TRERF1: variants seen among roughly 807,000 people sequenced by gnomAD.
The protein encoded by TRERF1 is transcriptional regulating factor 1, also known as transcriptional-regulating factor 1.
In TRERF1, 27 loss-of-function variants were observed where a neutral mutation model predicts 122.9. The ratio of observed to expected loss-of-function variants is 0.22; its 90% CI spans 0.16 to 0.30. The LOEUF (loss-of-function observed/expected upper bound fraction) is 0.30. Ranked by LOEUF, TRERF1 falls within the 10% of genes least tolerant of loss-of-function variation. TRERF1 has a pLI of 1.00. For missense variants in TRERF1, 1,248 were observed against 1,560.3 expected (o/e 0.80, Z 3.37); for synonymous variants, 636 against 641.7 (o/e 0.99, Z 0.13).
chr6:42,288,329 G>A (rs983191361), intron 4 of TRERF1, among the ~76,000 whole-genome samples: 1 of 152,060 alleles, frequency 6.6e-6, no homozygotes, highest in Non-Finnish European at 1.5e-5. Context: ...AGCACTTTGG[G>A]AGGCCGAGGT....
At chr6:42,280,236 C>G (rs757785941) in intron 4 of TRERF1, among the ~76,000 whole-genome samples, 11 of 152,176 alleles carry the variant, frequency 7.2e-5, no homozygotes, top group Non-Finnish European at 2.9e-5. Flanking sequence ...TTGGGGAATT[C>G]TGGGAGTCAA....
chr6:42,361,316 C>T (rs1216546412), intron 3 of TRERF1, among the ~76,000 whole-genome samples: 1 of 152,222 alleles, frequency 6.6e-6, no homozygotes, highest in Non-Finnish European at 1.5e-5. Context: ...TGGTTATAAG[C>T]CTCCACATCT....
chr6:42,231,190 T>C (rs1013666547), intron 17 of TRERF1, among the ~76,000 whole-genome samples: 1 of 152,200 alleles, frequency 6.6e-6, no homozygotes, highest in Admixed American at 6.5e-5. Context: ...AGGCTGCAAG[T>C]TCAACCTCTT....
At chr6:42,378,421 C>T (rs568650309) in intron 2 of TRERF1, among the ~76,000 whole-genome samples, 3 of 151,574 alleles carry the variant, frequency 2.0e-5, no homozygotes, top group African/African-American at 7.3e-5. Flanking sequence ...CTAAAGTAAC[C>T]GGCACTGAGA....
At chr6:42,426,167 T>C (rs893770005) in intron 2 of TRERF1, among the ~76,000 whole-genome samples, 12 of 152,106 alleles carry the variant, frequency 7.9e-5, no homozygotes, top group African/African-American at 2.4e-4. Context: ...CCTTTCCAAC[T>C]CTGAAAGGCT....
intron 16 of TRERF1, among the ~76,000 whole-genome samples, chr6:42,234,324 T>TTTTG (rs1250591038): frequency 6.6e-6 from 1 of 151,456 alleles, no homozygotes; most frequent in Non-Finnish European, 1.5e-5. Flanking sequence ...TCTCTGTTTT[T>TTTTG]TTTGTTTGTT....
At chr6:42,359,966 TAAAAA>T (rs1179728312) in intron 3 of TRERF1, among the ~76,000 whole-genome samples, 2 of 151,728 alleles carry the variant, frequency 1.3e-5, no homozygotes, top group Non-Finnish European at 2.9e-5. Context: ...AAAACTTCGG[TAAAAA>T]AAGAATCCAT....
At chr6:42,311,469 T>A (rs1244954707) in intron 3 of TRERF1, among the ~76,000 whole-genome samples, 5 of 151,790 alleles carry the variant, frequency 3.3e-5, no homozygotes, top group Non-Finnish European at 5.9e-5. Flanking sequence ...GCTGTAGGCA[T>A]GAGATCATGG....
At chr6:42,260,491 T>A (rs1175761333) in intron 8 of TRERF1, among the ~76,000 whole-genome samples, 3 of 152,102 alleles carry the variant, frequency 2.0e-5, no homozygotes, top group Non-Finnish European at 2.9e-5. Context: ...TACTAATAAG[T>A]AAACATAGGC....
chr6:42,262,361 C>G (rs1234517401), intron 8 of TRERF1, among the ~76,000 whole-genome samples: 3 of 150,878 alleles, frequency 2.0e-5, no homozygotes, highest in African/African-American at 2.4e-5. Flanking sequence ...ACAAATATGA[C>G]CCAACATGCC....
At chr6:42,319,994 T>C (rs182256801) in intron 3 of TRERF1, among the ~76,000 whole-genome samples, 122 of 151,942 alleles carry the variant, frequency 8.0e-4, no homozygotes, top group African/African-American at 2.8e-3. Flanking sequence ...CTCTGCCTCC[T>C]GGGTTCAAGC....
chr6:42,429,408 G>A (rs1447800531), intron 2 of TRERF1, among the ~76,000 whole-genome samples: 1 of 152,090 alleles, frequency 6.6e-6, no homozygotes, highest in Non-Finnish European at 1.5e-5. Flanking sequence ...AACCACAGGA[G>A]AAAACCACGG....
chr6:42,340,373 C>T (rs544817598), intron 3 of TRERF1, among the ~76,000 whole-genome samples: 36 of 152,230 alleles, frequency 2.4e-4, no homozygotes, highest in African/African-American at 5.3e-4. Flanking sequence ...CATTCACAGA[C>T]GGTTGAGGGT....
chr6:42,289,785 G>C (rs970304255), intron 4 of TRERF1, among the ~76,000 whole-genome samples: 13 of 152,178 alleles, frequency 8.5e-5, no homozygotes, highest in African/African-American at 1.4e-4. Flanking sequence ...TGCAGACAAT[G>C]GACTGGAGGA....
chr6:42,365,963 T>C (rs1772644093), intron 2 of TRERF1, among the ~76,000 whole-genome samples: 1 of 152,174 alleles, frequency 6.6e-6, no homozygotes, highest in Admixed American at 6.5e-5. Flanking sequence ...CCTTCATAAA[T>C]GGTGCACATC....
chr6:42,295,546 C>T (rs1285297763), intron 4 of TRERF1, among the ~76,000 whole-genome samples: 1 of 152,192 alleles, frequency 6.6e-6, no homozygotes, highest in Non-Finnish European at 1.5e-5. Flanking sequence ...GCATGAGGCT[C>T]CTTCTCCAGC....
intron 2 of TRERF1, among the ~76,000 whole-genome samples, chr6:42,424,640 GCTC>G (rs1278211207): frequency 6.6e-6 from 1 of 152,174 alleles, no homozygotes; most frequent in Non-Finnish European, 1.5e-5. Flanking sequence ...CCTACCAGCA[GCTC>G]CTAAATGACC....
intron 4 of TRERF1, among the ~76,000 whole-genome samples, chr6:42,271,332 C>T (rs1036019826): frequency 1.3e-5 from 2 of 152,126 alleles, no homozygotes; most frequent in African/African-American, 4.8e-5. Flanking sequence ...GCAAACTTCT[C>T]ATGTACTACA....
chr6:42,376,096 C>A (rs1774798012), intron 2 of TRERF1, among the ~76,000 whole-genome samples: 1 of 152,130 alleles, frequency 6.6e-6, no homozygotes, highest in Non-Finnish European at 1.5e-5. Context: ...CACCAAGCTC[C>A]CCAGATGTTG....
Sources: gnomAD v4.1 joint callset for allele counts (sites outside exome capture counted in the v4.1 genomes callset) on GRCh38, gnomAD v4.1.1 for gene constraint, MANE v1.5 for transcripts, NCBI Gene and HGNC (gene_info 2026-07-23, HGNC 2026-07-21) for gene names.